The following IGFLR1 variants were observed in gnomAD, a reference collection of about 807,000 sequenced individuals.
The protein encoded by IGFLR1 is IGF-like family receptor 1.
IGFLR1 carries 17 observed loss-of-function variants against 23.4 expected under a neutral mutation model. That is an observed-to-expected ratio of 0.73 (90% confidence interval 0.50 to 1.09). The LOEUF (loss-of-function observed/expected upper bound fraction) is 1.09. Among genes scored for constraint, IGFLR1 ranks in the 50% least tolerant of loss-of-function variants. IGFLR1 has a pLI of 0.00. For synonymous variants in IGFLR1, 265 were observed against 210.7 expected (o/e 1.26, Z -2.23); for missense variants, 556 against 459.2 (o/e 1.21, Z -1.93).
At chr19:35,740,150 C>T (rs1044253094) in intron 3 of IGFLR1, 62 bp from the exon 4 acceptor site, 45 of 1,509,994 alleles carry the variant, frequency 3.0e-5, no homozygotes, top group Non-Finnish European at 3.8e-5. Context: ...GCTCCCAAAC[C>T]TCCCAACTTT....
intron 2 of IGFLR1, 129 bp from the exon 3 acceptor site, chr19:35,740,693 G>A (rs1010031495): frequency 4.5e-6 from 4 of 890,710 alleles, no homozygotes; most frequent in African/African-American, 1.7e-5. Context: ...CGTGCGCCCC[G>A]GTCTTGTCAC....
rs756690029 is a variant in IGFLR1 at position 35,739,390 on chromosome 19, C to A, written c.958G>T (p.Glu320Ter). ...RALIEMVVAREPSASLGQLGT... is the reference protein window; with the variant it reads ...RALIEMVVAR ...AGCTGGCCCAGGGAGGCAGAGGGCT[C>A]CCTTGCCACCACCATCTCAATCAGA... The change falls in exon 5 of 5, where the codon GAG (glutamate) becomes TAG (stop). Residue 320 changes from glutamate to a stop codon, truncating the protein, a stop_gained. Transcript: ENST00000246532. LOFTEE classifies it low-confidence loss of function (END_TRUNC). 2 of 1,613,386 alleles carry A rather than the reference C, an allele frequency of 1.2e-6. No homozygotes were observed. Among genetic ancestry groups the A allele is most frequent in the East Asian group, 4.5e-5 (2 of 44,874 alleles).
rs1283221679 is a variant in IGFLR1 at position 35,740,471 on chromosome 19, T to A, written c.251A>T (p.Asp84Val). 1 of 1,612,870 alleles carries A rather than the reference T, an allele frequency of 6.2e-7. No homozygotes were observed. Residue 84 changes from aspartate (D) to valine (V), a missense_variant, in exon 3 of 5, where the codon GAC (aspartate) becomes GTC (valine). Coordinates refer to ENST00000246532, the MANE Select transcript of IGFLR1 (RefSeq NM_024660.4). ...RKCSSGQCNP[D>V]GAELCSPCGG... is the part of the protein sequence containing the mutation. ...GCAGGGGCTACATAGCTCCGCGCCG[T>A]CGGGGTTGCACTGCCCAGAAGAACA...
chr19:35,739,392 C>G lies in IGFLR1; in HGVS notation c.956G>C (p.Arg319Thr). ...LRALIEMVVA[R>T]EPSASLGQLG... ...CTGGCCCAGGGAGGCAGAGGGCTCCCTTGCCACCACCATCTCAATCAGAGC... is the reference window on the plus strand; with the variant it reads ...CTGGCCCAGGGAGGCAGAGGGCTCCGTTGCCACCACCATCTCAATCAGAGC... Residue 319 changes from arginine (R) to threonine (T), a missense_variant, in exon 5 of 5, where the codon AGG becomes ACG. Transcript: ENST00000246532. The G allele has an allele frequency of 6.2e-7, 1 of 1,613,472 alleles. No individual in the cohort carries two copies. The highest frequency in any genetic ancestry group is 8.5e-7 in the Non-Finnish European group (1 of 1,179,876).
chr19:35,740,331 G>GC, intron 3 of IGFLR1, 49 bp downstream of exon 3: 7 of 1,495,970 alleles, frequency 4.7e-6, no homozygotes, highest in East Asian at 2.3e-5. Context: ...CTACATCTAG[G>GC]CCCCCCACCT....
chr19:35,741,789 A>C (rs949458186), intron 1 of IGFLR1, among the ~76,000 whole-genome samples: 5 of 151,642 alleles, frequency 3.3e-5, no homozygotes, highest in South Asian at 2.1e-4. Context: ...CAGCCTGGGC[A>C]ACACAGCAAG....
At position 35,741,145 on chromosome 19, in the gene IGFLR1, C is replaced by G; in HGVS notation, c.36G>C (p.Leu12Phe). Residue 12 changes from leucine (L) to phenylalanine (F), a missense_variant, in exon 2 of 5, where the codon TTG becomes TTC. Leu to Phe is a conservative substitution (Grantham distance 22, BLOSUM62 0). Transcript: ENST00000246532. ...CCGGCGGTGGCGCCAGGGCCAGAAG[C>G]AACAAGGCCGTCAGGAGGCATCGTC... ...GPGRCLLTAL[L>F]LLALAPPPEA... 6.2e-7 allele frequency: 1 copy of G among 1,603,344 alleles called. No homozygotes were observed.
Position 35,739,228 on chromosome 19 carries a change from C to A in IGFLR1, c.*52G>T. 7.0e-7 allele frequency: 1 copy of A among 1,424,478 alleles called. No individual in the cohort carries two copies. The highest frequency in any genetic ancestry group is 9.4e-7 in the Non-Finnish European group (1 of 1,060,246). 88.2% of individuals were successfully genotyped at this position (1,424,478 alleles called of 1,614,324 possible). On this transcript the variant is annotated 3_prime_UTR_variant, in exon 5 of 5. Transcript: ENST00000246532. Reference sequence around the variant, plus strand: ...TAGGATTGTACTTCAAGAAGTACTTCAGTGCTAATTGTATACTGGGCTTAG... The same window carrying A: ...TAGGATTGTACTTCAAGAAGTACTTAAGTGCTAATTGTATACTGGGCTTAG...
At chr19:35,741,466 T>C in intron 1 of IGFLR1, 1 of 331,128 alleles carries the variant, frequency 3.0e-6, no homozygotes, top group South Asian at 2.3e-5. Context: ...ATCCCTAAAA[T>C]AAGACAATGA....
In IGFLR1 at chr19:35,739,450, A is replaced by G. The variant is rs373565093; in HGVS notation, c.898T>C (p.Tyr300His). The part of the protein sequence containing the change: ...GLPAAWSTFA[Y>H]SLRPSRSPLR... ...GGCGAGCGACTCGGCCTCAGCGAAT[A>G]GGCAAAGGTGGACCAGGCAGCAGGC... The change falls in exon 5 of 5, where the codon TAT becomes CAT. Residue 300 changes from tyrosine (Y) to histidine (H), a missense_variant. Transcript: ENST00000246532. The G allele has an allele frequency of 9.7e-5, 157 of 1,613,862 alleles. No individual in the cohort carries two copies. Among genetic ancestry groups the G allele is most frequent in the Non-Finnish European group, 1.2e-4 (147 of 1,179,990 alleles).
chr19:35,740,775 C>T (rs910903689), intron 2 of IGFLR1: 3 of 637,604 alleles, frequency 4.7e-6, no homozygotes, highest in Non-Finnish European at 8.0e-6. Flanking sequence ...CCCGGCTTCT[C>T]TACATAAAGC....
rs1970204759 is a variant in IGFLR1 at position 35,741,090 on chromosome 19, A to G, written c.91T>C (p.Tyr31His). Residue 31 changes from tyrosine (Y) to histidine (H), a missense_variant, in exon 2 of 5, where the codon TAC (tyrosine) becomes CAC (histidine). By Grantham distance (83) the Tyr-to-His change is moderately conservative. Coordinates refer to ENST00000246532, the MANE Select transcript of IGFLR1 (RefSeq NM_024660.4). The part of the protein sequence containing the change: ...EASQYCGRLE[Y>H]WNPDNKCCSS... ...CAGCACTTGTTGTCTGGGTTCCAGT[A>G]TTCAAGGCGGCCGCAGTACTGGGAG... 6.2e-7 allele frequency: 1 copy of G among 1,606,090 alleles called. No individual in the cohort carries two copies. The highest frequency in any genetic ancestry group is 1.3e-5 in the African/African-American group (1 of 74,722).
intron 3 of IGFLR1, 69 bp from the exon 4 acceptor site, chr19:35,740,157 C>T (rs1466258882): frequency 1.3e-6 from 2 of 1,485,248 alleles, no homozygotes; most frequent in Non-Finnish European, 1.8e-6. Flanking sequence ...AACCTCCCAA[C>T]TTTATATCCT....
intron 3 of IGFLR1, 78 bp from the exon 4 acceptor site, chr19:35,740,166 C>T (rs905376998): frequency 2.2e-5 from 33 of 1,470,444 alleles, no homozygotes; most frequent in Admixed American, 2.5e-5. Flanking sequence ...ACTTTATATC[C>T]TTTAATGGGG....
At chr19:35,740,726 A>G in intron 2 of IGFLR1, 162 bp from the exon 3 acceptor site, 1 of 695,176 alleles carries the variant, frequency 1.4e-6, no homozygotes, top group Non-Finnish European at 2.3e-6. Flanking sequence ...TCGCCTTTTC[A>G]CCCCCCTCCA....
intron 2 of IGFLR1, 176 bp downstream of exon 2, chr19:35,740,848 G>T: frequency 1.5e-6 from 1 of 676,440 alleles, no homozygotes; most frequent in South Asian, 1.9e-5. Context: ...GTTGCCCTAC[G>T]GTAGCCCGCA....
At position 35,741,149 on chromosome 19, in the gene IGFLR1, A is replaced by G. The variant is rs1356670097; in HGVS notation, c.32T>C (p.Leu11Ser). 3 of 1,603,620 alleles carry G rather than the reference A, an allele frequency of 1.9e-6. No individual in the cohort carries two copies. The Admixed American group carries it at 5.1e-5, about 27-fold the overall frequency. ...CGGTGGCGCCAGGGCCAGAAGCAACAAGGCCGTCAGGAGGCATCGTCCAGG... is the reference window on the plus strand; with the variant it reads ...CGGTGGCGCCAGGGCCAGAAGCAACGAGGCCGTCAGGAGGCATCGTCCAGG... MGPGRCLLTA[L>S]LLLALAPPPE... The change falls in exon 2 of 5, where the codon TTG becomes TCG. Residue 11 changes from leucine to serine, a missense_variant. Transcript: ENST00000246532.
intron 3 of IGFLR1, 96 bp downstream of exon 3, chr19:35,740,284 C>T: frequency 7.2e-7 from 1 of 1,398,332 alleles, no homozygotes; most frequent in Non-Finnish European, 9.4e-7. Flanking sequence ...CTCCTGAAAC[C>T]ACGGCCCCAC....
rs766328724 is a variant in IGFLR1 at position 35,739,420 on chromosome 19, G to A, written c.928C>T (p.Arg310Trp). 9.3e-6 allele frequency: 15 copies of A among 1,613,676 alleles called. No individual in the cohort carries two copies. Among genetic ancestry groups the A allele is most frequent in the Middle Eastern group, 3.3e-4 (2 of 6,084 alleles). Residue 310 changes from arginine to tryptophan, a missense_variant, in exon 5 of 5, where the codon CGG becomes TGG. Coordinates refer to ENST00000246532, the MANE Select transcript of IGFLR1 (RefSeq NM_024660.4). ...YSLRPSRSPL[R>W]ALIEMVVARE... is the part of the protein sequence containing the mutation. ...GCCACCACCATCTCAATCAGAGCCC[G>A]CAGCGGCGAGCGACTCGGCCTCAGC...
Sources: gnomAD v4.1 joint callset for allele counts (sites outside exome capture counted in the v4.1 genomes callset) on GRCh38, gnomAD v4.1.1 for gene constraint, MANE v1.5 for transcripts, NCBI Gene and HGNC (gene_info 2026-07-23, HGNC 2026-07-21) for gene names.